PRKCE: variants seen among roughly 807,000 people sequenced by gnomAD.
PRKCE encodes the protein protein kinase C epsilon, also known as protein kinase C epsilon type.
Under a neutral mutation model 85.4 loss-of-function variants are expected in PRKCE, and 16 were observed. The observed-to-expected ratio is 0.19, with a 90% CI of 0.13 to 0.28. The LOEUF is 0.28. PRKCE is among the 10% of genes least tolerant of loss of function. PRKCE has a pLI of 1.00. For missense variants in PRKCE, 573 were observed against 975.2 expected (o/e 0.59, Z 5.49); for synonymous variants, 388 against 371.5 (o/e 1.04, Z -0.51).
rs1675156981 is a variant in PRKCE, at chr2:45,652,206, T to C, written c.106T>C (p.Phe36Leu). The change falls in exon 1 of 15, where the codon TTC (phenylalanine) becomes CTC (leucine). Residue 36 changes from phenylalanine (F) to leucine (L), a missense_variant. By Grantham distance (22) the Phe-to-Leu change is conservative. This residue lies in a region of PRKCE where 100 missense variants were observed against 177.1 expected (regional missense o/e 0.56). Coordinates refer to ENST00000306156, the MANE Select transcript of PRKCE (RefSeq NM_005400.3). The surrounding 1 kb of genome is among the most constrained non-coding windows in gnomAD (Gnocchi z 7.7). The stretch of plus-strand genomic sequence containing the variant: ...TGCGGTGGGACCCCGGCCGCAGACT[T>C]TCCTTCTCGACCCCTACATTGCCCT... The part of the protein sequence containing the change: ...RHAVGPRPQT[F>L]LLDPYIALNV... 1.2e-6 allele frequency: 2 copies of C among 1,613,302 alleles called. No homozygotes were observed. The highest frequency in any genetic ancestry group is 2.7e-5 in the African/African-American group (2 of 74,748).
rs61758291 is a variant in PRKCE at position 46,010,258 on chromosome 2, G to A, written c.1264-86G>A. On this transcript the variant is annotated intron_variant, in intron 9 of 14. Transcript: ENST00000306156. ...TAAAATTAAAGAAAAAACAGAATTC[G>A]TTTTTGAAGTATTTGGTATTAGCTT... 194 of 1,366,380 alleles carry A rather than the reference G, an allele frequency of 1.4e-4. 1 individual carries two copies. The African/African-American group carries it at 1.9e-3, about 13-fold the overall frequency. 84.6% of individuals were successfully genotyped at this position (1,366,380 alleles called of 1,614,324 possible). A position where few individuals can be genotyped will look rare whatever the true frequency, so the allele number is the denominator to read the frequency against.
intron 2 of PRKCE, among the ~76,000 whole-genome samples, chr2:45,971,404 C>T (rs1043847524): frequency 1.3e-5 from 2 of 151,880 alleles, no homozygotes; most frequent in Admixed American, 6.6e-5. Flanking sequence ...TTCTTTTTTT[C>T]GTTTTTTAGA....
At chr2:45,993,841 A>G (rs1444045838) in intron 6 of PRKCE, among the ~76,000 whole-genome samples, 1 of 152,100 alleles carries the variant, frequency 6.6e-6, no homozygotes, top group Admixed American at 6.5e-5. Flanking sequence ...GATCAGAGTT[A>G]TTAGTGATAA....
intron 10 of PRKCE, among the ~76,000 whole-genome samples, chr2:46,054,255 C>T (rs1355457135): frequency 1.3e-5 from 2 of 152,180 alleles, no homozygotes; most frequent in African/African-American, 4.8e-5. Context: ...TCACTTGCAG[C>T]TAGTGAGATG....
At position 46,090,205 on chromosome 2, in the gene PRKCE, T is replaced by C. The variant is rs1026374010; in HGVS notation, c.1592+3843T>C. On this transcript the variant is annotated intron_variant, in intron 11 of 14. Coordinates refer to ENST00000306156, the MANE Select transcript of PRKCE (RefSeq NM_005400.3). ...AATACTCCTGGAGCTATTGATTCAA[T>C]AGACCTGATATATGGAGTTCAGGAA... Among the ~76,000 whole-genome samples, 7 of 152,282 alleles carry C rather than the reference T, an allele frequency of 4.6e-5. No individual in the cohort carries two copies. In the South Asian group the frequency reaches 8.3e-4, roughly 18 times the overall value.
At chr2:45,798,197 A>G (rs1233901137) in intron 1 of PRKCE, among the ~76,000 whole-genome samples, 1 of 152,262 alleles carries the variant, frequency 6.6e-6, no homozygotes, top group Non-Finnish European at 1.5e-5. Flanking sequence ...GATTAGGCTA[A>G]ACCAGATTGT....
intron 10 of PRKCE, among the ~76,000 whole-genome samples, chr2:46,018,678 A>G (rs566166595): frequency 1.7e-4 from 26 of 152,352 alleles, no homozygotes; most frequent in African/African-American, 5.8e-4. Flanking sequence ...ACTACTACTA[A>G]CATTTCGATG....
chr2:45,925,280 T>C (rs890458128), intron 2 of PRKCE, among the ~76,000 whole-genome samples: 1 of 151,678 alleles, frequency 6.6e-6, no homozygotes, highest in African/African-American at 2.4e-5. Flanking sequence ...CTTTTCTCTC[T>C]AAGCATGCTG....
intron 2 of PRKCE, among the ~76,000 whole-genome samples, chr2:45,859,964 G>T (rs569523400): frequency 3.2e-4 from 49 of 152,240 alleles, no homozygotes; most frequent in Non-Finnish European, 5.0e-4. Context: ...TCTTTCTATC[G>T]TCCTACTGCC....
At chr2:45,870,095 A>T (rs2105742224) in intron 2 of PRKCE, among the ~76,000 whole-genome samples, 1 of 152,218 alleles carries the variant, frequency 6.6e-6, no homozygotes, top group East Asian at 1.9e-4. Context: ...AAGCCAGGTC[A>T]TTTGGATTTG....
chr2:46,168,872 A>C (rs920800721), intron 14 of PRKCE, among the ~76,000 whole-genome samples: 10 of 152,164 alleles, frequency 6.6e-5, no homozygotes, highest in African/African-American at 2.4e-4. Context: ...AGAAGATCCT[A>C]TCCAAGTGGG....
intron 10 of PRKCE, among the ~76,000 whole-genome samples, chr2:46,059,122 T>G (rs1451519216): frequency 6.6e-6 from 1 of 152,170 alleles, no homozygotes; most frequent in Non-Finnish European, 1.5e-5. Flanking sequence ...TTTGTGGTGC[T>G]TGTTTGTGGT....
chr2:46,056,549 T>C (rs1167884572), intron 10 of PRKCE, among the ~76,000 whole-genome samples: 1 of 152,256 alleles, frequency 6.6e-6, no homozygotes, highest in Non-Finnish European at 1.5e-5. Flanking sequence ...TTGATTAAGA[T>C]AAAAATTGTC....
chr2:45,673,324 T>C (rs1676265870), intron 1 of PRKCE, among the ~76,000 whole-genome samples: 1 of 152,238 alleles, frequency 6.6e-6, no homozygotes, highest in Non-Finnish European at 1.5e-5. Context: ...TCAAGTGAAT[T>C]TGGAAAACCA....
At chr2:45,751,848 C>T (rs1396681911) in intron 1 of PRKCE, among the ~76,000 whole-genome samples, 1 of 103,586 alleles carries the variant, frequency 9.7e-6, no homozygotes. Flanking sequence ...GACGGAGGCT[C>T]GCTCTGTCGC....
intron 1 of PRKCE, among the ~76,000 whole-genome samples, chr2:45,667,085 C>A (rs989377012): frequency 6.6e-6 from 1 of 152,004 alleles, no homozygotes; most frequent in Admixed American, 6.6e-5. Context: ...CCGGGGCGGG[C>A]GAATCACCTG....
At chr2:45,797,632 C>T (rs1687547520) in intron 1 of PRKCE, among the ~76,000 whole-genome samples, 1 of 152,196 alleles carries the variant, frequency 6.6e-6, no homozygotes, top group African/African-American at 2.4e-5. Context: ...TTTAAACTGA[C>T]CTGTCTTTGG....
At chr2:45,985,826 G>A (rs1038544919) in intron 6 of PRKCE, among the ~76,000 whole-genome samples, 1 of 152,214 alleles carries the variant, frequency 6.6e-6, no homozygotes, top group Non-Finnish European at 1.5e-5. Flanking sequence ...ACCTTAACTC[G>A]AGGTGCCCGT....
At chr2:45,818,787 T>C (rs76507114) in intron 1 of PRKCE, among the ~76,000 whole-genome samples, 1 of 152,188 alleles carries the variant, frequency 6.6e-6, no homozygotes, top group African/African-American at 2.4e-5. Context: ...GCCGCAGCAC[T>C]CACCATGGCT....
Sources: allele counts gnomAD v4.1 joint callset (sites outside exome capture counted in the v4.1 genomes callset), GRCh38; gene constraint gnomAD v4.1.1; regional missense constraint gnomAD v4.1.1; non-coding constraint Gnocchi (gnomAD v3.1); transcripts MANE v1.5; gene names NCBI Gene and HGNC (gene_info 2026-07-23, HGNC 2026-07-21).